The following EHD2 variants were observed in gnomAD, a reference collection of about 807,000 sequenced individuals.
The protein encoded by EHD2 is EH domain containing 2.
EHD2 carries 27 observed loss-of-function variants against 41.0 expected under a neutral mutation model. The ratio of observed to expected loss-of-function variants is 0.66; its 90% CI spans 0.49 to 0.91. The LOEUF (loss-of-function observed/expected upper bound fraction) is 0.91, where lower values mean the gene tolerates loss of function less well. Among genes scored for constraint, EHD2 ranks in the 40% least tolerant of loss-of-function variants. The pLI is 0.00. For synonymous variants in EHD2, 342 were observed against 341.0 expected (o/e 1.00, Z -0.03); for missense variants, 673 against 773.9 (o/e 0.87, Z 1.55).
At chr19:47,725,146 A>G (rs991954486) in intron 3 of EHD2, among the ~76,000 whole-genome samples, 1 of 152,000 alleles carries the variant, frequency 6.6e-6, no homozygotes, top group African/African-American at 2.4e-5. Flanking sequence ...TGGGGGTTCC[A>G]TAGAAGCACA....
At chr19:47,726,281 C>T (rs778635920) in intron 4 of EHD2, 57 bp downstream of exon 4, 37 of 1,444,190 alleles carry the variant, frequency 2.6e-5, no homozygotes, top group Non-Finnish European at 3.4e-5. Context: ...TCGGTCCTCT[C>T]CTACCAGTGC....
chr19:47,739,161 G>C (rs2123660297), intron 5 of EHD2, among the ~76,000 whole-genome samples: 1 of 152,042 alleles, frequency 6.6e-6, no homozygotes, highest in Middle Eastern at 3.4e-3. Flanking sequence ...GTACAGTGTG[G>C]TGCTATCTTC....
At chr19:47,725,055 C>A (rs1973735893) in intron 3 of EHD2, among the ~76,000 whole-genome samples, 1 of 144,428 alleles carries the variant, frequency 6.9e-6, no homozygotes, top group Admixed American at 7.1e-5. Flanking sequence ...AGCTATCCAG[C>A]ATGAACTCTA....
chr19:47,716,455 C>A, intron 1 of EHD2, 103 bp from the exon 2 acceptor site: 2 of 732,892 alleles, frequency 2.7e-6, no homozygotes, highest in Non-Finnish European at 4.2e-6. Flanking sequence ...CTGTGCTCCT[C>A]CTCCTCCTCC....
chr19:47,715,231 G>C (rs527785267), intron 1 of EHD2, among the ~76,000 whole-genome samples: 1 of 151,928 alleles, frequency 6.6e-6, no homozygotes, highest in Admixed American at 6.6e-5. Flanking sequence ...TCATGACCTG[G>C]GTGCACCCAG....
Position 47,741,477 on chromosome 19 carries a change from T to C in EHD2, c.*45T>C, listed in dbSNP as rs1341560624. ...CCCTGCTGTGGCTCCCCAGCTCCAGTCGGCTGCACGCACACCCCTGCTCCG... is the reference window on the plus strand; with the variant it reads ...CCCTGCTGTGGCTCCCCAGCTCCAGCCGGCTGCACGCACACCCCTGCTCCG... On this transcript the variant is annotated 3_prime_UTR_variant, in exon 6 of 6. Transcript: ENST00000263277. The surrounding 1 kb of genome is among the most constrained non-coding windows in gnomAD (Gnocchi z 4.5). 1 of 1,526,052 alleles carries C rather than the reference T, an allele frequency of 6.6e-7. No individual in the cohort carries two copies. Among genetic ancestry groups the C allele is most frequent in the Admixed American group, 2.0e-5 (1 of 49,942 alleles). 94.5% of individuals were successfully genotyped at this position (1,526,052 alleles called of 1,614,324 possible).
chr19:47,718,859 G>A (rs1248381551), intron 3 of EHD2, among the ~76,000 whole-genome samples: 16 of 146,454 alleles, frequency 1.1e-4, no homozygotes, highest in African/African-American at 3.8e-4. Flanking sequence ...AGGGAGGAGG[G>A]ACTGGGGTCT....
Position 47,741,539 on chromosome 19 carries a change from G to C in EHD2, c.*107G>C. 1.5e-6 allele frequency: 2 copies of C among 1,309,930 alleles called. No homozygotes were observed. The highest frequency in any genetic ancestry group is 1.0e-6 in the Non-Finnish European group (1 of 969,994). 81.1% of individuals were successfully genotyped at this position (1,309,930 alleles called of 1,614,324 possible). A position where few individuals can be genotyped will look rare whatever the true frequency, so the allele number is the denominator to read the frequency against. On this transcript the variant is annotated 3_prime_UTR_variant, in exon 6 of 6. Coordinates refer to ENST00000263277, the MANE Select transcript of EHD2 (RefSeq NM_014601.4). This position sits in a 1 kb window ranked among gnomAD's most constrained non-coding sequence, Gnocchi z 4.5. The stretch of plus-strand genomic sequence containing the variant: ...CCCTGCCTGCCCTCCCTGCCCAGCT[G>C]TAAGGACCGGGGGTCTCCCTCCTCA...
chr19:47,735,156 C>T (rs115442347), intron 4 of EHD2, among the ~76,000 whole-genome samples: 1,536 of 152,236 alleles, frequency 0.01, 33 homozygotes, highest in African/African-American at 0.034. Flanking sequence ...CAGCTGAGGG[C>T]GACACAGCTC....
chr19:47,718,019 T>A (rs1228313023), intron 2 of EHD2, among the ~76,000 whole-genome samples: 2 of 149,346 alleles, frequency 1.3e-5, no homozygotes, highest in Admixed American at 1.3e-4. Context: ...ACGCCTGTAA[T>A]CCCAGCACTT....
chr19:47,738,337 C>T (rs1465506660), intron 5 of EHD2, among the ~76,000 whole-genome samples: 4 of 151,952 alleles, frequency 2.6e-5, no homozygotes, highest in African/African-American at 9.7e-5. Flanking sequence ...GAGTCTTGCT[C>T]TGTTGCCCAG....
rs1178455192 is a variant in EHD2 at position 47,741,019 on chromosome 19, G to A, written c.1219G>A (p.Val407Met). The A allele has an allele frequency of 6.2e-7, 1 of 1,610,546 alleles. No individual in the cohort carries two copies. The highest frequency in any genetic ancestry group is 8.5e-7 in the Non-Finnish European group (1 of 1,179,844). ...LRQEELESTEVGVQGGAFEGT... is the reference protein window; with the variant it reads ...LRQEELESTEMGVQGGAFEGT... ...GCAGGAGGAGCTGGAGAGCACCGAGGTGGGCGTGCAGGGGGGCGCTTTTGA... is the reference window on the plus strand; with the variant it reads ...GCAGGAGGAGCTGGAGAGCACCGAGATGGGCGTGCAGGGGGGCGCTTTTGA... Residue 407 changes from valine to methionine, a missense_variant, in exon 6 of 6, where the codon GTG becomes ATG. By Grantham distance (21) the Val-to-Met change is conservative (BLOSUM62 1). Transcript: ENST00000263277. This position sits in a 1 kb window ranked among gnomAD's most constrained non-coding sequence, Gnocchi z 4.5.
rs368915920 is a variant in EHD2 at position 47,736,359 on chromosome 19, C to G, written c.916-10C>G. On this transcript the variant is annotated splice_polypyrimidine_tract_variant and intron_variant, in intron 4 of 5. Transcript: ENST00000263277. ...CCTGATGCAGGCTGAGGTGAGAACCCTTCCCACAGGTTCACGCTTACATCA... is the reference window on the plus strand; with the variant it reads ...CCTGATGCAGGCTGAGGTGAGAACCGTTCCCACAGGTTCACGCTTACATCA... 1.2e-6 allele frequency: 2 copies of G among 1,610,042 alleles called. No individual in the cohort carries two copies. Among genetic ancestry groups the G allele is most frequent in the African/African-American group, 2.7e-5 (2 of 74,670 alleles).
intron 4 of EHD2, chr19:47,731,295 T>TGTATATAC: frequency 1.5e-5 from 1 of 67,328 alleles, no homozygotes; most frequent in Non-Finnish European, 3.9e-5. Flanking sequence ...TATATATATA[T>TGTATATAC]ATATATACAT....
chr19:47,717,111 G>A (rs907599840), intron 2 of EHD2, 95 bp downstream of exon 2: 21 of 1,497,028 alleles, frequency 1.4e-5, no homozygotes, highest in Admixed American at 1.3e-4. Context: ...GCAGTGGTGC[G>A]ATCTCAGCTC....
At chr19:47,713,718 C>T (rs1973597563) in intron 1 of EHD2, among the ~76,000 whole-genome samples, 180 bp downstream of exon 1, 1 of 151,058 alleles carries the variant, frequency 6.6e-6, no homozygotes, top group Non-Finnish European at 1.5e-5. Flanking sequence ...TCTTCCCACT[C>T]CTCCCACTCT....
intron 4 of EHD2, among the ~76,000 whole-genome samples, chr19:47,730,849 G>T (rs1373691372): frequency 6.6e-6 from 1 of 152,152 alleles, no homozygotes; most frequent in Non-Finnish European, 1.5e-5. Context: ...CATTCATTCA[G>T]CAGTTGCCGA....
intron 4 of EHD2, among the ~76,000 whole-genome samples, chr19:47,728,243 G>A (rs539442209): frequency 1.9e-4 from 29 of 151,398 alleles, no homozygotes; most frequent in South Asian, 8.4e-4. Flanking sequence ...CCTTCCCAGC[G>A]TCCCCTGCAC....
chr19:47,714,682 C>T (rs2914442), intron 1 of EHD2, among the ~76,000 whole-genome samples: 60,356 of 151,606 alleles, frequency 0.4, 12,856 homozygotes, highest in African/African-American at 0.52. Flanking sequence ...GAGCATTTTC[C>T]AGCTAAGTGA....
Sources: allele counts gnomAD v4.1 joint callset (sites outside exome capture counted in the v4.1 genomes callset), GRCh38; gene constraint gnomAD v4.1.1; non-coding constraint Gnocchi (gnomAD v3.1); transcripts MANE v1.5; gene names NCBI Gene and HGNC (gene_info 2026-07-23, HGNC 2026-07-21).